Variants in GDA observed in about 807,000 individuals in gnomAD.
The protein encoded by GDA is cytoplasmic PSD-95 interactor.
GDA carries 18 observed loss-of-function variants against 59.6 expected under a neutral mutation model. That is an observed-to-expected ratio of 0.30 (90% confidence interval 0.21 to 0.45). The LOEUF is 0.45. Ranked by LOEUF, GDA falls within the 20% of genes least tolerant of loss-of-function variation. The probability of loss-of-function intolerance (pLI) is 1.00; values close to 1 mark genes in which losing one functional copy is unlikely to be tolerated. For synonymous variants in GDA, 201 were observed against 201.1 expected (o/e 1.00, Z 0.00); for missense variants, 427 against 552.3 (o/e 0.77, Z 2.27).
intron 1 of GDA, among the ~76,000 whole-genome samples, chr9:72,136,289 A>G (rs763308047): frequency 1.1e-4 from 16 of 152,228 alleles, no homozygotes; most frequent in Non-Finnish European, 2.1e-4. Context: ...GAAATGTTAA[A>G]TATTTTTTAT....
downstream of GDA, among the ~76,000 whole-genome samples, chr9:72,254,540 A>G (rs1840844314): frequency 6.6e-6 from 1 of 152,210 alleles, no homozygotes; most frequent in Non-Finnish European, 1.5e-5. Flanking sequence ...GAGAGGAAGC[A>G]AACATTTGTT....
At chr9:72,143,412 A>G (rs1826514001) in intron 1 of GDA, among the ~76,000 whole-genome samples, 1 of 152,094 alleles carries the variant, frequency 6.6e-6, no homozygotes, top group African/African-American at 2.4e-5. Context: ...TACAGGCATG[A>G]GCCACCACAC....
At chr9:72,160,700 C>T (rs1009700957) in intron 1 of GDA, among the ~76,000 whole-genome samples, 26 of 152,152 alleles carry the variant, frequency 1.7e-4, no homozygotes, top group African/African-American at 6.3e-4. Flanking sequence ...ATATTTCATG[C>T]ACATGTTTAA....
Position 72,115,663 on chromosome 9 carries a change from C to T in GDA, c.-100+830C>T, listed in dbSNP as rs187898506. 5.6e-4 allele frequency among the ~76,000 whole-genome samples: 85 copies of T among 152,318 alleles called. 1 individual carries two copies. Among genetic ancestry groups the T allele is most frequent in the Admixed American group, 5.4e-3 (82 of 15,304 alleles). Reference sequence around the variant, plus strand: ...AAGTCTGCTTTATTTGTAGAAACTACGCCTTATTGGTTAAGATCCCTAACT... The same window carrying T: ...AAGTCTGCTTTATTTGTAGAAACTATGCCTTATTGGTTAAGATCCCTAACT... On this transcript the variant is annotated intron_variant, in intron 1 of 13. Transcript: ENST00000545168.
At chr9:72,123,185 C>CTTTTTTT (rs530381322) in intron 1 of GDA, among the ~76,000 whole-genome samples, 2 of 126,166 alleles carry the variant, frequency 1.6e-5, no homozygotes, top group African/African-American at 2.9e-5. Flanking sequence ...TTTTTCTTCC[C>CTTTTTTT]TTTTTTTTTT....
chr9:72,204,586 C>T (rs185111567), intron 3 of GDA, among the ~76,000 whole-genome samples: 3 of 152,168 alleles, frequency 2.0e-5, no homozygotes, highest in Non-Finnish European at 2.9e-5. Context: ...TAAAGCATAT[C>T]TATGCTTCAT....
chr9:72,248,778 G>T lies in GDA; in HGVS notation c.*436G>T, dbSNP rs1488961941. On this transcript the variant is annotated 3_prime_UTR_variant, in exon 14 of 14. Coordinates refer to ENST00000358399, the MANE Select transcript of GDA (RefSeq NM_004293.5). ...AGTATATTTTTATGAGGGAGCAAAA[G>T]TTAGACTGAGAACAAACGTTAGAAA... The T allele has an allele frequency of 3.1e-5, 31 of 992,142 alleles. No homozygotes were observed. Among genetic ancestry groups the T allele is most frequent in the Non-Finnish European group, 3.7e-5 (31 of 833,292 alleles). 61.5% of individuals were successfully genotyped at this position (992,142 alleles called of 1,614,324 possible).
intron 1 of GDA, among the ~76,000 whole-genome samples, chr9:72,115,760 ACTG>A (rs1282298614): frequency 6.6e-6 from 1 of 152,212 alleles, no homozygotes; most frequent in African/African-American, 2.4e-5. Flanking sequence ...TCCTAAGTAA[ACTG>A]CTGATCTTGA....
At chr9:72,223,606 C>T (rs1442285187) in intron 7 of GDA, among the ~76,000 whole-genome samples, 1 of 152,106 alleles carries the variant, frequency 6.6e-6, no homozygotes, top group Admixed American at 6.5e-5. Flanking sequence ...TGTTCTGTAC[C>T]TTCATTCTTA....
At chr9:72,142,351 C>T (rs1826470041) in intron 1 of GDA, among the ~76,000 whole-genome samples, 6 of 152,098 alleles carry the variant, frequency 3.9e-5, no homozygotes, top group Admixed American at 2.6e-4. Flanking sequence ...TGCGGTAGCT[C>T]ATACCTGTAA....
At chr9:72,146,447 G>T (rs1003019276), upstream of GDA, among the ~76,000 whole-genome samples, 1 of 151,996 alleles carries the variant, frequency 6.6e-6, no homozygotes, top group Non-Finnish European at 1.5e-5. Context: ...TTTCCCTGGG[G>T]ATACCAGAAT....
chr9:72,126,781 G>A (rs937713304), intron 1 of GDA, among the ~76,000 whole-genome samples: 2 of 151,880 alleles, frequency 1.3e-5, no homozygotes, highest in Admixed American at 6.6e-5. Flanking sequence ...TGGCCAGGCT[G>A]GTCTTGAGCG....
At chr9:72,157,781 C>T (rs1326540371) in intron 1 of GDA, among the ~76,000 whole-genome samples, 1 of 152,196 alleles carries the variant, frequency 6.6e-6, no homozygotes, top group Non-Finnish European at 1.5e-5. Flanking sequence ...ATGTTCTAGG[C>T]ATGACATTAT....
At chr9:72,231,242 G>A (rs1297286096) in intron 10 of GDA, 61 bp downstream of exon 10, 2 of 904,550 alleles carry the variant, frequency 2.2e-6, no homozygotes, top group Non-Finnish European at 3.7e-6. Context: ...ATTTTCTAAT[G>A]TGACTAATTT....
chr9:72,238,592 C>A (rs1020743722), intron 10 of GDA, among the ~76,000 whole-genome samples: 1 of 152,160 alleles, frequency 6.6e-6, no homozygotes, highest in Admixed American at 6.5e-5. Flanking sequence ...TGAGCACATA[C>A]CTATGAAATC....
intron 8 of GDA, 40 bp downstream of exon 8, chr9:72,225,824 C>A: frequency 1.4e-6 from 1 of 726,940 alleles, no homozygotes; most frequent in Non-Finnish European, 2.4e-6. Flanking sequence ...TAAAGGAGGG[C>A]ATATTTATCT....
At chr9:72,192,674 G>A (rs1038298659) in intron 1 of GDA, among the ~76,000 whole-genome samples, 17 of 151,284 alleles carry the variant, frequency 1.1e-4, no homozygotes, top group Admixed American at 9.2e-4. Context: ...TAGGTCAGGA[G>A]ATCGAGACCA....
intron 7 of GDA, 82 bp from the exon 8 acceptor site, chr9:72,225,595 T>C: frequency 1.4e-6 from 1 of 696,450 alleles, no homozygotes; most frequent in Non-Finnish European, 2.5e-6. Context: ...TAGAAAACCA[T>C]TCACACCATT....
intron 3 of GDA, among the ~76,000 whole-genome samples, chr9:72,205,855 A>G (rs985867292): frequency 1.3e-5 from 2 of 152,186 alleles, no homozygotes; most frequent in Non-Finnish European, 2.9e-5. Flanking sequence ...TTTCTCATTC[A>G]CTAAAATCTT....
Sources: gnomAD v4.1 joint callset for allele counts (sites outside exome capture counted in the v4.1 genomes callset) on GRCh38, gnomAD v4.1.1 for gene constraint, MANE v1.5 for transcripts, NCBI Gene and HGNC (gene_info 2026-07-23, HGNC 2026-07-21) for gene names.